ZNF630: variants seen among roughly 807,000 people sequenced by gnomAD.
ZNF630 encodes the protein zinc finger protein 630, also known as dJ54B20.2 (novel KRAB box containing C2H2 type zinc finger protein).
Under a neutral mutation model 7.2 loss-of-function variants are expected in ZNF630, and 5 were observed. The observed-to-expected ratio is 0.70, with a 90% confidence interval of 0.36 to 1.46. ZNF630 has a LOEUF of 1.46. Ranked by LOEUF, ZNF630 falls within the 40% of genes most tolerant of loss-of-function variation. The pLI is 0.03. For synonymous variants in ZNF630, 158 were observed against 162.8 expected, an observed-to-expected ratio of 0.97 and a Z score of 0.23; for missense variants, 461 against 477.0, an observed-to-expected ratio of 0.97 and a Z score of 0.31.
chrX:48,068,588 T>C (rs1316341572), intron 1 of ZNF630, among the ~76,000 whole-genome samples: 1 of 112,021 alleles, frequency 8.9e-6, no homozygotes, highest in African/African-American at 3.3e-5. Context: ...ATTTGATTTT[T>C]TTCCAATGAT....
intron 2 of ZNF630, among the ~76,000 whole-genome samples, chrX:48,063,877 G>C (rs1267428311): frequency 1.8e-5 from 2 of 110,931 alleles, no homozygotes; most frequent in East Asian, 5.6e-4. Flanking sequence ...GACAGAGTGA[G>C]ACTTTGTCTC....
At chrX:48,064,151 C>T (rs1173949172) in intron 2 of ZNF630, among the ~76,000 whole-genome samples, 1 of 110,545 alleles carries the variant, frequency 9.0e-6, no homozygotes, top group Non-Finnish European at 1.9e-5. Flanking sequence ...CAGAGGGTTC[C>T]TGGGTGAATT....
intron 2 of ZNF630, among the ~76,000 whole-genome samples, chrX:48,064,614 C>T (rs782206732): frequency 1.8e-5 from 2 of 111,650 alleles, no homozygotes; most frequent in South Asian, 7.4e-4. Context: ...AGGCGCATGC[C>T]ACCATGCCTG....
chrX:48,060,531 T>G lies in ZNF630; in HGVS notation c.157A>C (p.Lys53Gln). ...HLVSVGCSGI[K>Q]PDVIFKLEHG... is the part of the protein sequence containing the mutation. The stretch of plus-strand genomic sequence containing the variant: ...TCCAACTTAAAGATTACATCTGGTT[T>G]TATACCTGAACACCCTGTTAAGAGA... Residue 53 changes from lysine to glutamine, a missense_variant, in exon 4 of 5, where the codon AAA (lysine) becomes CAA (glutamine). Transcript: ENST00000276054. 1 of 1,203,466 alleles carries G rather than the reference T, an allele frequency of 8.3e-7. No individual in the cohort carries two copies. Among genetic ancestry groups the G allele is most frequent in the East Asian group, 3.0e-5 (1 of 33,757 alleles).
chrX:48,063,265 C>CA (rs782317074), intron 2 of ZNF630, among the ~76,000 whole-genome samples: 651 of 29,748 alleles, frequency 0.022, 8 homozygotes, highest in African/African-American at 0.041. Flanking sequence ...ACTACCTGGC[C>CA]AAAAAAAAAA....
rs782654233 is a variant in ZNF630, at chrX:48,060,534, T to C, written c.154A>G (p.Ile52Val). Residue 52 changes from isoleucine (I) to valine (V), a missense_variant, in exon 4 of 5, where the codon ATA becomes GTA. Physicochemically the swap from Ile to Val is conservative, Grantham distance 29. Coordinates refer to ENST00000276054, the MANE Select transcript of ZNF630 (RefSeq NM_001282201.2). ...AACTTAAAGATTACATCTGGTTTTA[T>C]ACCTGAACACCCTGTTAAGAGAAAA... Reference protein sequence around the residue: ...NHLVSVGCSGIKPDVIFKLEH... With the variant: ...NHLVSVGCSGVKPDVIFKLEH... 17 of 1,202,460 alleles carry C rather than the reference T, an allele frequency of 1.4e-5. No individual in the cohort carries two copies. Among genetic ancestry groups the C allele is most frequent in the Non-Finnish European group, 1.9e-5 (17 of 889,858 alleles).
intron 2 of ZNF630, among the ~76,000 whole-genome samples, chrX:48,064,660 C>T (rs2059121882): frequency 1.8e-5 from 2 of 111,677 alleles, no homozygotes; most frequent in South Asian, 3.7e-4. Context: ...GATGCGGTTT[C>T]GCCATGCTGC....
At chrX:48,065,582 C>T (rs1218071446) in intron 2 of ZNF630, among the ~76,000 whole-genome samples, 2 of 107,611 alleles carry the variant, frequency 1.9e-5, no homozygotes, top group Non-Finnish European at 3.8e-5. Context: ...ACTTGGGAGA[C>T]TGAGGCAGGA....
intron 1 of ZNF630, among the ~76,000 whole-genome samples, chrX:48,070,752 T>G (rs1290080907): frequency 9.1e-6 from 1 of 110,194 alleles, no homozygotes; most frequent in Non-Finnish European, 1.9e-5. Context: ...GTGCTCAAAC[T>G]TATTGGTCAT....
At chrX:48,063,897 T>C (rs1556909626) in intron 2 of ZNF630, among the ~76,000 whole-genome samples, 1 of 110,896 alleles carries the variant, frequency 9.0e-6, no homozygotes, top group African/African-American at 3.3e-5. Flanking sequence ...CAAAAAAATA[T>C]ATATATATAC....
Position 48,059,952 on chromosome X carries a change from G to A in ZNF630, c.490C>T (p.Arg164Trp), listed in dbSNP as rs1569420350. Residue 164 changes from arginine (R) to tryptophan (W), a missense_variant, in exon 5 of 5, where the codon CGG becomes TGG. By Grantham distance (101) the Arg-to-Trp change is moderately radical. Transcript: ENST00000276054. ...KYSAFGKMFN[R>W]CTDLAPLSQK... ...CTTAAAGGAGCAAGGTCTGTGCACC[G>A]ATTGAACATTTTCCCAAATGCACTG... 2.3e-5 allele frequency: 28 copies of A among 1,206,117 alleles called. No homozygotes were observed. Among genetic ancestry groups the A allele is most frequent in the Middle Eastern group, 2.3e-4 (1 of 4,367 alleles).
intron 1 of ZNF630, among the ~76,000 whole-genome samples, chrX:48,067,583 T>C (rs782744312): frequency 1.8e-5 from 2 of 111,893 alleles, no homozygotes; most frequent in Non-Finnish European, 1.9e-5. Flanking sequence ...GTGGATTGCC[T>C]GAGCTCAGGA....
chrX:48,058,963 T>C lies in ZNF630; in HGVS notation c.1479A>G (p.Gly493=). 1 of 1,208,467 alleles carries C rather than the reference T, an allele frequency of 8.3e-7. No homozygotes were observed. Among genetic ancestry groups the C allele is most frequent in the Non-Finnish European group, 1.1e-6 (1 of 893,217 alleles). ...GEKPYMCTEC[G]KSFSQKSPLI... ...GAGGTGATTTCTGAGAGAAGGATTTTCCACATTCAGTACACATATAAGGTT... is the reference window on the plus strand; with the variant it reads ...GAGGTGATTTCTGAGAGAAGGATTTCCCACATTCAGTACACATATAAGGTT... Residue 493 remains glycine, a synonymous_variant, in exon 5 of 5, where the codon GGA becomes GGG. Coordinates refer to ENST00000276054, the MANE Select transcript of ZNF630 (RefSeq NM_001282201.2).
At chrX:48,069,837 G>A (rs1225350121) in intron 1 of ZNF630, among the ~76,000 whole-genome samples, 1 of 41,183 alleles carries the variant, frequency 2.4e-5, no homozygotes, top group African/African-American at 7.0e-5. Flanking sequence ...ACAGGACATT[G>A]TCTGTTTTTT....
rs1165518206 is a variant in ZNF630 at position 48,057,773 on chromosome X, A to G, written c.*695T>C. 2.7e-5 allele frequency among the ~76,000 whole-genome samples: 3 copies of G among 111,481 alleles called. No homozygotes were observed. The highest frequency in any genetic ancestry group is 9.8e-5 in the African/African-American group (3 of 30,557). On this transcript the variant is annotated 3_prime_UTR_variant, in exon 5 of 5. Coordinates refer to ENST00000276054, the MANE Select transcript of ZNF630 (RefSeq NM_001282201.2). ...AATATCTCAATCTAAATGCATATAT[A>G]GGTCAGGTGCTGTGGCTCATGCCTG...
At chrX:48,067,646 C>T (rs1569422129) in intron 1 of ZNF630, among the ~76,000 whole-genome samples, 1 of 111,501 alleles carries the variant, frequency 9.0e-6, no homozygotes, top group African/African-American at 3.3e-5. Flanking sequence ...TAAAAAAATG[C>T]AAAAAGCAGC....
At position 48,059,024 on chromosome X, in the gene ZNF630, T is replaced by C. The variant is rs781878346; in HGVS notation, c.1418A>G (p.His473Arg). The change falls in exon 5 of 5, where the codon CAC (histidine) becomes CGC (arginine). Residue 473 changes from histidine to arginine, a missense_variant. Physicochemically the swap from His to Arg is conservative, Grantham distance 29 (BLOSUM62 0). Transcript: ENST00000276054. Reference sequence around the variant, plus strand: ...ATGAAGTCTTTGATGGCCAGTGAGGTGTGACTTCTGGGAAAAGGCCTTCCC... The same window carrying C: ...ATGAAGTCTTTGATGGCCAGTGAGGCGTGACTTCTGGGAAAAGGCCTTCCC... The part of the protein sequence containing the change: ...DCGKAFSQKS[H>R]LTGHQRLHTG... 2.5e-6 allele frequency: 3 copies of C among 1,205,729 alleles called. No homozygotes were observed. The Admixed American group carries it at 6.6e-5, about 26-fold the overall frequency.
chrX:48,064,168 G>A (rs1427985160), intron 2 of ZNF630, among the ~76,000 whole-genome samples: 2 of 110,583 alleles, frequency 1.8e-5, no homozygotes, highest in Non-Finnish European at 3.8e-5. Flanking sequence ...AATTAAATAA[G>A]TTAATCCCAC....
chrX:48,070,611 T>TA (rs782104749), intron 1 of ZNF630, among the ~76,000 whole-genome samples: 22,472 of 65,583 alleles, frequency 0.34, 4,056 homozygotes, highest in East Asian at 0.51. Context: ...AGACTTCGTC[T>TA]AAAAAAAAAA....
Sources: gnomAD v4.1 joint callset for allele counts (sites outside exome capture counted in the v4.1 genomes callset) on GRCh38, gnomAD v4.1.1 for gene constraint, MANE v1.5 for transcripts, NCBI Gene and HGNC (gene_info 2026-07-23, HGNC 2026-07-21) for gene names.